The following CDH23 variants were observed in gnomAD, a reference collection of about 807,000 sequenced individuals.
CDH23 encodes the protein cadherin related 23.
CDH23 carries 189 observed loss-of-function variants against 317.1 expected under a neutral mutation model. The ratio of observed to expected loss-of-function variants is 0.60; its 90% CI spans 0.53 to 0.67. The LOEUF (loss-of-function observed/expected upper bound fraction) is 0.67. Among genes scored for constraint, CDH23 ranks in the 30% least tolerant of loss-of-function variants. CDH23 has a pLI of 0.00. For missense variants in CDH23, 4,401 were observed against 4,592.4 expected (o/e 0.96, Z 1.20); for synonymous variants, 1,839 against 1,876.8 (o/e 0.98, Z 0.52).
intron 1 of CDH23, among the ~76,000 whole-genome samples, chr10:71,424,562 G>A (rs1309872468): frequency 6.6e-6 from 1 of 152,222 alleles, no homozygotes; most frequent in Non-Finnish European, 1.5e-5. Context: ...CCTTCCCCCA[G>A]CTGAGGGTGT....
chr10:71,807,483 C>G (rs368436209), intron 58 of CDH23, 33 bp from the exon 59 acceptor site: 11 of 1,612,158 alleles, frequency 6.8e-6, no homozygotes, highest in Admixed American at 1.7e-5. Context: ...CCTGGCCCTG[C>G]CCCCTCACCC....
At chr10:71,624,297 A>G (rs1404382490) in intron 11 of CDH23, among the ~76,000 whole-genome samples, 1 of 152,218 alleles carries the variant, frequency 6.6e-6, no homozygotes, top group African/African-American at 2.4e-5. Context: ...CCCCTGCAGC[A>G]TCCCTTTTCA....
At chr10:71,515,548 A>T (rs1426979800) in intron 6 of CDH23, among the ~76,000 whole-genome samples, 2 of 151,818 alleles carry the variant, frequency 1.3e-5, no homozygotes, top group African/African-American at 4.9e-5. Context: ...TAATGAACAC[A>T]GCAAACATTT....
intron 3 of CDH23, among the ~76,000 whole-genome samples, chr10:71,488,370 G>C (rs144877075): frequency 1.4e-4 from 22 of 152,176 alleles, no homozygotes; most frequent in African/African-American, 5.3e-4. Flanking sequence ...ATCTTTCTGC[G>C]CAGGAGTGAG....
chr10:71,462,085 C>T (rs1851022242), intron 3 of CDH23, among the ~76,000 whole-genome samples: 1 of 152,222 alleles, frequency 6.6e-6, no homozygotes, highest in Admixed American at 6.5e-5. Context: ...GAGTCCCCTG[C>T]CTGAGACATC....
rs142467505 is a variant in CDH23 at position 71,518,692 on chromosome 10, C to G, written c.429+7480C>G. On this transcript the variant is annotated intron_variant, in intron 6 of 69. Coordinates refer to ENST00000224721, the MANE Select transcript of CDH23 (RefSeq NM_022124.6). ...TGATGACCCCCTTCCCCTGCCCACA[C>G]ACACACAGGCTAAATGCCAGCCTGC... Among the ~76,000 whole-genome samples, 8 of 152,346 alleles carry G rather than the reference C, an allele frequency of 5.3e-5. No homozygotes were observed. The East Asian group carries it at 1.5e-3, about 29-fold the overall frequency.
chr10:71,635,798 TGACG>T (rs1448487949), intron 11 of CDH23, among the ~76,000 whole-genome samples: 1 of 152,058 alleles, frequency 6.6e-6, no homozygotes, highest in Non-Finnish European at 1.5e-5. Flanking sequence ...AAACTACCAT[TGACG>T]GTTGGCTTGT....
intron 9 of CDH23, among the ~76,000 whole-genome samples, chr10:71,595,313 T>C (rs533237491): frequency 3.3e-5 from 5 of 152,288 alleles, no homozygotes; most frequent in Admixed American, 6.5e-5. Context: ...CTTTTCCATC[T>C]TAGCGATCTT....
rs116141474 is a variant in CDH23, at chr10:71,639,744, C to T, written c.1135-4117C>T. On this transcript the variant is annotated intron_variant, in intron 11 of 69. Coordinates refer to ENST00000224721, the MANE Select transcript of CDH23 (RefSeq NM_022124.6). ...AGGTGTGTGACGCCTGTGTCATAGC[C>T]GGGCTTCACAAATGGAAGCTGTTGT... Among the ~76,000 whole-genome samples the T allele has an allele frequency of 7.0e-3, 1,069 of 152,254 alleles. 13 individuals are homozygous for T. The highest frequency in any genetic ancestry group is 0.025 in the African/African-American group (1,027 of 41,546).
Position 71,812,882 on chromosome 10 carries a change from CCAAT to C in CDH23, c.9629_9632del (p.Ile3210ArgfsTer5), listed in dbSNP as rs397517367. On this transcript the variant is annotated frameshift_variant, in exon 68 of 70. Transcript: ENST00000224721. LOFTEE classifies it high-confidence loss of function. ...GCTGGGCCAGATCATTCGTGAGGGG[CCAAT>C]CAAGGTGAGCCTTCCCTGCAGGCTC... 8 of 1,613,412 alleles carry C rather than the reference CCAAT, an allele frequency of 5.0e-6. No individual in the cohort carries two copies. Among genetic ancestry groups the C allele is most frequent in the Non-Finnish European group, 5.9e-6 (7 of 1,179,698 alleles).
chr10:71,785,479 G>T lies in CDH23; in HGVS notation c.5713-152G>T, dbSNP rs3802709. Among the ~76,000 whole-genome samples the T allele has an allele frequency of 0.51, 77,557 of 152,032 alleles. 20,184 individuals are homozygous for T. The highest frequency in any genetic ancestry group is 0.7 in the Middle Eastern group (207 of 294). ...GCCTGGGCATGAGTGGGTCACTCTC[G>T]CCCCGGCGAGACCCTGCCGACCCAC... On this transcript the variant is annotated intron_variant, in intron 43 of 69. Coordinates refer to ENST00000224721, the MANE Select transcript of CDH23 (RefSeq NM_022124.6).
chr10:71,622,452 A>G (rs1861510628), intron 11 of CDH23, among the ~76,000 whole-genome samples: 1 of 152,026 alleles, frequency 6.6e-6, no homozygotes, highest in Non-Finnish European at 1.5e-5. Flanking sequence ...TCCTCCACTT[A>G]GGCGCCAGTG....
At chr10:71,498,263 C>G (rs1853083400) in intron 3 of CDH23, among the ~76,000 whole-genome samples, 1 of 152,306 alleles carries the variant, frequency 6.6e-6, no homozygotes, top group South Asian at 2.1e-4. Flanking sequence ...TTCTCTAAGG[C>G]TGCCTTGCTC....
At position 71,706,116 on chromosome 10, in the gene CDH23, A is replaced by G. The variant is rs139985471; in HGVS notation, c.2954-781A>G. On this transcript the variant is annotated intron_variant, in intron 25 of 69. Transcript: ENST00000224721. ...CTTTCTCCAAGACTCAGCAGAAGCC[A>G]TAACATCAAATGGGCCCAGGATCTC... Among the ~76,000 whole-genome samples the G allele has an allele frequency of 8.4e-3, 1,274 of 152,288 alleles. 18 individuals are homozygous for G. The highest frequency in any genetic ancestry group is 9.4e-3 in the Non-Finnish European group (639 of 68,016).
intron 38 of CDH23, among the ~76,000 whole-genome samples, chr10:71,759,996 C>CACAT (rs1554868579): frequency 1.0e-4 from 4 of 38,938 alleles, no homozygotes; most frequent in Non-Finnish European, 2.0e-4. Flanking sequence ...TATACACACA[C>CACAT]ACATACATAT....
At chr10:71,707,467 A>G in intron 26 of CDH23, 1 of 1,179,284 alleles carries the variant, frequency 8.5e-7, no homozygotes. Flanking sequence ...GTTTAGAGGC[A>G]GATGGTTTTG....
At chr10:71,773,541 T>G (rs1840740699) in intron 38 of CDH23, 1 of 1,187,820 alleles carries the variant, frequency 8.4e-7, no homozygotes, top group African/African-American at 1.6e-5. Flanking sequence ...GAGTGAGCGC[T>G]GCGGGCGGCC....
intron 6 of CDH23, among the ~76,000 whole-genome samples, chr10:71,531,409 A>G (rs3861027): frequency 0.3 from 46,233 of 151,984 alleles, 8,007 homozygotes; most frequent in African/African-American, 0.45. Context: ...TGACACCCAC[A>G]TGTCTCTAAA....
intron 25 of CDH23, among the ~76,000 whole-genome samples, chr10:71,706,684 G>T (rs888583390): frequency 2.0e-5 from 3 of 152,254 alleles, no homozygotes; most frequent in African/African-American, 7.2e-5. Context: ...ACAGCGGGAG[G>T]GTCTGGAGCA....
Sources: allele counts gnomAD v4.1 joint callset (sites outside exome capture counted in the v4.1 genomes callset), GRCh38; gene constraint gnomAD v4.1.1; transcripts MANE v1.5; gene names NCBI Gene and HGNC (gene_info 2026-07-23, HGNC 2026-07-21).